Variants in FBXL2 observed in about 807,000 individuals in gnomAD.
The protein encoded by FBXL2 is F-box and leucine rich repeat protein 2.
In FBXL2, 38 loss-of-function variants were observed where a neutral mutation model predicts 69.2. The observed-to-expected ratio is 0.55, with a 90% CI of 0.42 to 0.72. The LOEUF is 0.72. Among genes scored for constraint, FBXL2 ranks in the 30% least tolerant of loss-of-function variants. FBXL2 has a pLI of 0.00. For synonymous variants in FBXL2, 192 were observed against 201.3 expected (o/e 0.95, Z 0.39); for missense variants, 354 against 520.3 (o/e 0.68, Z 3.11).
chr3:33,410,755 G>T, the FBXL2 span, among the ~76,000 whole-genome samples: 1 of 152,014 alleles, frequency 6.6e-6, no homozygotes, highest in Admixed American at 6.6e-5. Context: ...TGGATGAAAT[G>T]GTATGCCTGA....
chr3:33,293,745 G>GT (rs747417452), intron 1 of FBXL2, among the ~76,000 whole-genome samples: 173 of 152,148 alleles, frequency 1.1e-3, no homozygotes, highest in Non-Finnish European at 2.1e-3. Flanking sequence ...ATATGTGAAG[G>GT]TTTTCATGTC....
In FBXL2 at chr3:33,385,801, A is replaced by G; in HGVS notation, c.*193A>G. ...CCTTTATTCTGCTGTGAAACAATCA[A>G]ATCAAAGCCTTGTGTCAGTTAACAC... On this transcript the variant is annotated 3_prime_UTR_variant, in exon 15 of 15. Coordinates refer to ENST00000484457, the MANE Select transcript of FBXL2 (RefSeq NM_012157.5). The G allele has an allele frequency of 1.7e-6, 1 of 592,354 alleles. No individual in the cohort carries two copies. Among genetic ancestry groups the G allele is most frequent in the Non-Finnish European group, 3.0e-6 (1 of 331,938 alleles). The allele number at this position is 592,354 out of a possible 1,614,324, so 36.7% of individuals were successfully genotyped here. A position where few individuals can be genotyped will look rare whatever the true frequency, so the allele number is the denominator to read the frequency against.
rs1311352876 is a variant in FBXL2, at chr3:33,386,351, T to G, written c.*743T>G. 6.6e-6 allele frequency: 1 copy of G among 152,264 alleles called. No individual in the cohort carries two copies. Among genetic ancestry groups the G allele is most frequent in the Non-Finnish European group, 1.5e-5 (1 of 68,024 alleles). 9.4% of individuals were successfully genotyped at this position (152,264 alleles called of 1,614,324 possible). A position where few individuals can be genotyped will look rare whatever the true frequency, so the allele number is the denominator to read the frequency against. On this transcript the variant is annotated 3_prime_UTR_variant, in exon 15 of 15. Coordinates refer to ENST00000484457, the MANE Select transcript of FBXL2 (RefSeq NM_012157.5). Reference sequence around the variant, plus strand: ...GCTACAGCACATAACACATTTTTACTAAAGGAAAAAAGCTAATTATGTCCA... The same window carrying G: ...GCTACAGCACATAACACATTTTTACGAAAGGAAAAAAGCTAATTATGTCCA...
chr3:33,350,120 T>G (rs1227755397), intron 2 of FBXL2, among the ~76,000 whole-genome samples: 1 of 152,084 alleles, frequency 6.6e-6, no homozygotes, highest in African/African-American at 2.4e-5. Flanking sequence ...ACATTTTTCA[T>G]AAAAATAGAT....
At chr3:33,319,637 C>T (rs2038023259) in intron 2 of FBXL2, among the ~76,000 whole-genome samples, 1 of 152,052 alleles carries the variant, frequency 6.6e-6, no homozygotes, top group African/African-American at 2.4e-5. Flanking sequence ...GAAATAATAC[C>T]TTTAGCATCT....
intron 12 of FBXL2, 69 bp downstream of exon 12, chr3:33,378,216 C>T: frequency 1.4e-6 from 2 of 1,444,174 alleles, no homozygotes; most frequent in Non-Finnish European, 2.0e-6. Context: ...TGCAGCACAG[C>T]CAGAGACACT....
intron 12 of FBXL2, among the ~76,000 whole-genome samples, chr3:33,393,627 T>C (rs557213186): frequency 6.6e-6 from 1 of 152,360 alleles, no homozygotes; most frequent in African/African-American, 2.4e-5. Flanking sequence ...CCTTGAAATC[T>C]TGAACTACCA....
chr3:33,333,097 G>C (rs1300498137), intron 2 of FBXL2, among the ~76,000 whole-genome samples: 2 of 152,136 alleles, frequency 1.3e-5, no homozygotes, highest in African/African-American at 2.4e-5. Context: ...TGAGGGGAGT[G>C]GGGGATAGGG....
chr3:33,383,942 T>G (rs2043229671), intron 13 of FBXL2, 47 bp from the exon 14 acceptor site: 1 of 1,587,124 alleles, frequency 6.3e-7, no homozygotes, highest in African/African-American at 1.3e-5. Context: ...GACTTGAGCC[T>G]TGGAATAAGG....
chr3:33,377,398 G>T, intron 11 of FBXL2, 65 bp downstream of exon 11: 1 of 1,540,544 alleles, frequency 6.5e-7, no homozygotes, highest in African/African-American at 1.4e-5. Context: ...AAGTGACTTG[G>T]AGTGGTTTTG....
At chr3:33,280,663 T>C (rs1559478999) in intron 1 of FBXL2, among the ~76,000 whole-genome samples, 2 of 146,448 alleles carry the variant, frequency 1.4e-5, no homozygotes, top group Admixed American at 1.4e-4. Flanking sequence ...TGCTGAATTG[T>C]GTTCACACCA....
intron 4 of FBXL2, among the ~76,000 whole-genome samples, chr3:33,362,220 T>C (rs148618529): frequency 1.3e-5 from 2 of 152,238 alleles, no homozygotes; most frequent in Non-Finnish European, 2.9e-5. Context: ...TTACCTGAAG[T>C]TTGGGTTGGC....
At chr3:33,359,805 C>T (rs553200825) in intron 4 of FBXL2, among the ~76,000 whole-genome samples, 5 of 151,828 alleles carry the variant, frequency 3.3e-5, no homozygotes, top group Admixed American at 6.6e-5. Context: ...TATAATCTCT[C>T]AGTATTCTGT....
At chr3:33,338,197 C>T (rs915872866) in intron 2 of FBXL2, among the ~76,000 whole-genome samples, 7 of 151,962 alleles carry the variant, frequency 4.6e-5, no homozygotes, top group African/African-American at 7.3e-5. Context: ...AGATCGCTTG[C>T]GATCAGGAGT....
intron 12 of FBXL2, chr3:33,393,214 ATT>A: frequency 8.0e-7 from 1 of 1,245,250 alleles, no homozygotes; most frequent in Non-Finnish European, 1.1e-6. Context: ...TCTCATAAGT[ATT>A]TTCAAAAGAG....
chr3:33,302,685 A>T (rs2036392216), intron 2 of FBXL2, among the ~76,000 whole-genome samples: 1 of 152,180 alleles, frequency 6.6e-6, no homozygotes, highest in South Asian at 2.1e-4. Flanking sequence ...ACTATTATTG[A>T]TGTAATTTTC....
At chr3:33,385,001 C>A (rs567858808) in intron 14 of FBXL2, among the ~76,000 whole-genome samples, 1 of 152,166 alleles carries the variant, frequency 6.6e-6, no homozygotes, top group African/African-American at 2.4e-5. Flanking sequence ...GCACTCCAGC[C>A]TGGGCGACAA....
chr3:33,381,504 C>T (rs547965551), intron 13 of FBXL2, among the ~76,000 whole-genome samples: 4 of 152,008 alleles, frequency 2.6e-5, no homozygotes, highest in Non-Finnish European at 5.9e-5. Context: ...ATTAGCCAGG[C>T]GTGGTGGCGC....
At chr3:33,337,531 T>G (rs952660355) in intron 2 of FBXL2, among the ~76,000 whole-genome samples, 1 of 152,206 alleles carries the variant, frequency 6.6e-6, no homozygotes, top group Non-Finnish European at 1.5e-5. Context: ...CTCTTGTAAA[T>G]TATTCATGGA....
Sources: allele counts gnomAD v4.1 joint callset (sites outside exome capture counted in the v4.1 genomes callset), GRCh38; gene constraint gnomAD v4.1.1; transcripts MANE v1.5; gene names NCBI Gene and HGNC (gene_info 2026-07-23, HGNC 2026-07-21).